Variants in RBFOX1 observed in about 807,000 individuals in gnomAD.
The protein encoded by RBFOX1 is RNA binding protein fox-1 homolog 1.
In RBFOX1, 8 loss-of-function variants were observed where a neutral mutation model predicts 57.7. The ratio of observed to expected loss-of-function variants is 0.14; its 90% CI spans 0.08 to 0.25. The LOEUF is 0.25. RBFOX1 is among the 10% of genes least tolerant of loss of function. The pLI is 1.00. For synonymous variants in RBFOX1, 326 were observed against 222.4 expected, an observed-to-expected ratio of 1.47 and a Z score of -4.15; for missense variants, 611 against 548.5, an observed-to-expected ratio of 1.11 and a Z score of -1.14.
Position 6,729,295 on chromosome 16 carries a change from T to C in RBFOX1, c.-16+74645T>C, listed in dbSNP as rs573981181. On this transcript the variant is annotated intron_variant, in intron 3 of 15. Coordinates refer to ENST00000550418, the MANE Select transcript of RBFOX1 (RefSeq NM_018723.4). ...TGGGACCTGACGATCAAGATTTGTT[T>C]AGAAGCTCCTCAGTTGATTCTACTG... is the stretch of plus-strand genomic sequence containing the variant. Among the ~76,000 whole-genome samples the C allele has an allele frequency of 1.3e-4, 20 of 152,308 alleles. No homozygotes were observed. The South Asian group carries it at 4.1e-3, about 32-fold the overall frequency.
chr16:6,106,590 G>C (rs1349698278), intron 1 of RBFOX1, among the ~76,000 whole-genome samples: 1 of 152,146 alleles, frequency 6.6e-6, no homozygotes, highest in Non-Finnish European at 1.5e-5. Flanking sequence ...AAAGACTTTA[G>C]GAAAGTCTCT....
At chr16:7,228,140 A>G (rs1567798863) in intron 4 of RBFOX1, among the ~76,000 whole-genome samples, 1 of 152,138 alleles carries the variant, frequency 6.6e-6, no homozygotes, top group Non-Finnish European at 1.5e-5. Context: ...TGAGAGTATC[A>G]GACTGTAAGT....
At chr16:6,611,582 G>A (rs527330386) in intron 2 of RBFOX1, among the ~76,000 whole-genome samples, 41 of 152,290 alleles carry the variant, frequency 2.7e-4, no homozygotes, top group African/African-American at 7.5e-4. Flanking sequence ...CAGTGAGCAT[G>A]GTTTTTCCTA....
intron 3 of RBFOX1, among the ~76,000 whole-genome samples, chr16:6,820,019 A>T (rs940072831): frequency 1.3e-5 from 2 of 152,118 alleles, no homozygotes; most frequent in African/African-American, 2.4e-5. Context: ...TAATCCCCAT[A>T]TGTCATGGGA....
chr16:6,775,205 G>A (rs549942271), intron 3 of RBFOX1, among the ~76,000 whole-genome samples: 1 of 150,364 alleles, frequency 6.7e-6, no homozygotes, highest in African/African-American at 2.4e-5. Flanking sequence ...GGTGTGGTTC[G>A]GACGCCTGTA....
intron 3 of RBFOX1, among the ~76,000 whole-genome samples, chr16:5,791,381 TATTTTAAG>T (rs2054690657): frequency 6.6e-6 from 1 of 152,174 alleles, no homozygotes; most frequent in African/African-American, 2.4e-5. Context: ...CAGGAGTCAT[TATTTTAAG>T]GCCTTTACAT....
chr16:6,727,721 C>T (rs1374661943), intron 3 of RBFOX1, among the ~76,000 whole-genome samples: 1 of 152,126 alleles, frequency 6.6e-6, no homozygotes, highest in Non-Finnish European at 1.5e-5. Context: ...TGGGCTCACA[C>T]GTGTGAGTCT....
chr16:5,765,038 G>A (rs1319985718), intron 3 of RBFOX1, among the ~76,000 whole-genome samples: 1 of 152,126 alleles, frequency 6.6e-6, no homozygotes, highest in Non-Finnish European at 1.5e-5. Context: ...TATGAATCAG[G>A]AAACACCATC....
At chr16:7,656,414 A>G (rs2066307833) in intron 12 of RBFOX1, among the ~76,000 whole-genome samples, 1 of 152,198 alleles carries the variant, frequency 6.6e-6, no homozygotes. Flanking sequence ...GGAAGAGAGC[A>G]GAGTGGGACC....
chr16:6,810,809 A>G (rs144970754), intron 3 of RBFOX1, among the ~76,000 whole-genome samples: 117 of 152,234 alleles, frequency 7.7e-4, no homozygotes, highest in African/African-American at 2.6e-3. Flanking sequence ...GAAGTCACTC[A>G]CTATCAGGAG....
At chr16:5,831,473 T>TTTATTATTA (rs149535816) in intron 3 of RBFOX1, among the ~76,000 whole-genome samples, 22,267 of 141,292 alleles carry the variant, frequency 0.16, 1,885 homozygotes, top group African/African-American at 0.19. Context: ...TCTTTTCTCT[T>TTTATTATTA]TTATTATTAT....
intron 14 of RBFOX1, among the ~76,000 whole-genome samples, chr16:7,706,041 T>G (rs1178203573): frequency 1.3e-5 from 2 of 152,150 alleles, no homozygotes; most frequent in Non-Finnish European, 2.9e-5. Context: ...GGTATTGCTG[T>G]GCTCTGTCTC....
chr16:7,075,095 G>T (rs1028909998), intron 4 of RBFOX1, among the ~76,000 whole-genome samples: 2 of 152,216 alleles, frequency 1.3e-5, no homozygotes, highest in African/African-American at 4.8e-5. Context: ...ATGAAGTTCT[G>T]TGTTATTTGA....
intron 3 of RBFOX1, among the ~76,000 whole-genome samples, chr16:6,979,551 C>T (rs991818981): frequency 6.6e-6 from 1 of 152,134 alleles, no homozygotes; most frequent in African/African-American, 2.4e-5. Flanking sequence ...TACAGCAATG[C>T]TTTTGCAAAA....
intron 1 of RBFOX1, among the ~76,000 whole-genome samples, chr16:6,292,532 T>C (rs57256407): frequency 0.19 from 29,616 of 152,006 alleles, 3,041 homozygotes; most frequent in African/African-American, 0.21. Context: ...TCTTATTGGC[T>C]TTTTGTCTTG....
At chr16:5,524,840 C>A (rs554994007) in intron 2 of RBFOX1, among the ~76,000 whole-genome samples, 165 of 151,968 alleles carry the variant, frequency 1.1e-3, no homozygotes, top group African/African-American at 3.8e-3. Flanking sequence ...CGCACCCGGC[C>A]CCTATTCATC....
chr16:5,792,391 A>G (rs2054731780), intron 3 of RBFOX1, among the ~76,000 whole-genome samples: 1 of 152,230 alleles, frequency 6.6e-6, no homozygotes. Context: ...AAATCCATGT[A>G]TAACTTGTGA....
At chr16:5,811,341 C>G (rs1455848512) in intron 3 of RBFOX1, among the ~76,000 whole-genome samples, 1 of 151,792 alleles carries the variant, frequency 6.6e-6, no homozygotes, top group Non-Finnish European at 1.5e-5. Context: ...CCTGGTTTCC[C>G]TATGTTAGCC....
At chr16:5,840,693 T>A (rs1567611402) in intron 3 of RBFOX1, among the ~76,000 whole-genome samples, 1 of 152,092 alleles carries the variant, frequency 6.6e-6, no homozygotes, top group Non-Finnish European at 1.5e-5. Context: ...CACCACTGCT[T>A]GGAGATGTGT....
Sources: allele counts gnomAD v4.1 joint callset (sites outside exome capture counted in the v4.1 genomes callset), GRCh38; gene constraint gnomAD v4.1.1; transcripts MANE v1.5; gene names NCBI Gene and HGNC (gene_info 2026-07-23, HGNC 2026-07-21).